TSPAN3: variants seen among roughly 807,000 people sequenced by gnomAD.
TSPAN3 encodes tetraspanin-3.
A neutral mutation model predicts 31.1 loss-of-function variants in TSPAN3; 9 were observed. That is an observed-to-expected ratio of 0.29 (90% CI 0.17 to 0.50). The LOEUF (loss-of-function observed/expected upper bound fraction) is 0.50. Among genes scored for constraint, TSPAN3 ranks in the 20% least tolerant of loss-of-function variants. The probability of loss-of-function intolerance (pLI) is 0.98; values close to 1 mark genes in which losing one functional copy is unlikely to be tolerated. For missense variants in TSPAN3, 252 were observed against 313.5 expected, an observed-to-expected ratio of 0.80 and a Z score of 1.48; for synonymous variants, 129 against 114.3, an observed-to-expected ratio of 1.13 and a Z score of -0.82.
intron 1 of TSPAN3, chr15:77,067,642 G>A (rs548453522): frequency 1.3e-5 from 2 of 152,328 alleles, no homozygotes; most frequent in South Asian, 2.1e-4. Flanking sequence ...GGCATTAAAA[G>A]GAGGGAGGGG....
Position 77,053,490 on chromosome 15 carries a change from AAAAAG to A in TSPAN3, c.433-566_433-562del, listed in dbSNP as rs1568540704. Among the ~76,000 whole-genome samples, 172 of 131,234 alleles carry A rather than the reference AAAAAG, an allele frequency of 1.3e-3. 1 individual carries two copies. The highest frequency in any genetic ancestry group is 4.8e-3 in the East Asian group (22 of 4,588). The allele number at this position is 131,234 out of a possible 152,430, so 86.1% of individuals were successfully genotyped here. ...AAAAAAAAAAAAAAAAAAAAAAAAA[AAAAAG>A]AAAAGAAAAGTACATTGCCTATAAG... On this transcript the variant is annotated intron_variant, in intron 4 of 6. Transcript: ENST00000267970.
intron 1 of TSPAN3, among the ~76,000 whole-genome samples, chr15:77,059,228 G>A (rs1414970806): frequency 5.3e-5 from 8 of 151,476 alleles, no homozygotes; most frequent in Non-Finnish European, 1.2e-4. Context: ...GATTACAGGC[G>A]CCCGCCACTA....
chr15:77,071,047 G>T lies in TSPAN3; in HGVS notation c.-93C>A. On this transcript the variant is annotated 5_prime_UTR_variant, in exon 1 of 7. Transcript: ENST00000267970. ...CGGCGGCGCCTCCTCGCTAGGAACT[G>T]CACGGCCTGCGCGGCGCTCCCCGCA... The T allele has an allele frequency of 1.1e-6, 1 of 893,084 alleles. No individual in the cohort carries two copies. Among genetic ancestry groups the T allele is most frequent in the Non-Finnish European group, 1.5e-6 (1 of 669,480 alleles). The allele number at this position is 893,084 out of a possible 1,614,324, so 55.3% of individuals were successfully genotyped here.
Position 77,042,948 on chromosome 15 carries a change from G to A in TSPAN3, c.*3887C>T, listed in dbSNP as rs2076668132. ...AATTTCCCTGACCTTGCCCTTCCTT[G>A]TCACACTGAAGAGGGGGCTCTGAAA... On this transcript the variant is annotated 3_prime_UTR_variant, in exon 7 of 7. Coordinates refer to ENST00000267970, the MANE Select transcript of TSPAN3 (RefSeq NM_005724.6). 1 of 152,194 alleles carries A rather than the reference G, an allele frequency of 6.6e-6. No individual in the cohort carries two copies. The highest frequency in any genetic ancestry group is 1.5e-5 in the Non-Finnish European group (1 of 68,080). The allele number at this position is 152,194 out of a possible 1,614,324, so 9.4% of individuals were successfully genotyped here. A position where few individuals can be genotyped will look rare whatever the true frequency, so the allele number is the denominator to read the frequency against.
intron 1 of TSPAN3, among the ~76,000 whole-genome samples, chr15:77,057,007 C>A (rs1305521156): frequency 6.6e-6 from 1 of 152,168 alleles, no homozygotes; most frequent in African/African-American, 2.4e-5. Flanking sequence ...TCTTGGAGCG[C>A]ACTCTGAGTA....
chr15:77,070,630 C>G (rs972836951), intron 1 of TSPAN3, among the ~76,000 whole-genome samples: 2 of 152,006 alleles, frequency 1.3e-5, no homozygotes, highest in Admixed American at 6.5e-5. Flanking sequence ...CCGCGTGGGC[C>G]GAGCGCGGAG....
At chr15:77,069,219 G>C (rs1295875099) in intron 1 of TSPAN3, among the ~76,000 whole-genome samples, 1 of 152,142 alleles carries the variant, frequency 6.6e-6, no homozygotes, top group Non-Finnish European at 1.5e-5. Context: ...GAGAATTAAT[G>C]ACTTAATCAT....
At chr15:77,048,720 T>A (rs933807460) in intron 6 of TSPAN3, among the ~76,000 whole-genome samples, 5 of 152,170 alleles carry the variant, frequency 3.3e-5, no homozygotes, top group African/African-American at 1.2e-4. Context: ...TTTCTTGCAA[T>A]GAAATACTCT....
At chr15:77,068,824 T>C (rs530101994) in intron 1 of TSPAN3, among the ~76,000 whole-genome samples, 27 of 152,308 alleles carry the variant, frequency 1.8e-4, no homozygotes, top group Admixed American at 1.8e-3. Flanking sequence ...TCTCATTCTT[T>C]TTTGTGGCTG....
At position 77,046,399 on chromosome 15, in the gene TSPAN3, TGGTG is replaced by T; in HGVS notation, c.*432_*435del. The T allele has an allele frequency of 5.0e-6, 2 of 403,936 alleles. No homozygotes were observed. The highest frequency in any genetic ancestry group is 7.1e-5 in the East Asian group (2 of 28,258). The allele number at this position is 403,936 out of a possible 1,614,324, so 25.0% of individuals were successfully genotyped here. Reference sequence around the variant, plus strand: ...AAGGACACCAATGAGGGGCACCATCTGGTGTTAACCTTAACCAGAAAGCTGGTTT... The same window carrying T: ...AAGGACACCAATGAGGGGCACCATCTTTAACCTTAACCAGAAAGCTGGTTT... On this transcript the variant is annotated 3_prime_UTR_variant, in exon 7 of 7. Coordinates refer to ENST00000267970, the MANE Select transcript of TSPAN3 (RefSeq NM_005724.6).
intron 1 of TSPAN3, chr15:77,067,542 A>G (rs536580494): frequency 2.4e-4 from 37 of 152,336 alleles, no homozygotes; most frequent in African/African-American, 8.4e-4. Flanking sequence ...CATAGTTTTT[A>G]TTGCCTACAG....
chr15:77,055,373 T>A, intron 3 of TSPAN3: 1 of 156,420 alleles, frequency 6.4e-6, no homozygotes, highest in Non-Finnish European at 1.4e-5. Context: ...GAAGGTGGGA[T>A]CACAACTCAC....
At chr15:77,056,335 A>T (rs2076768810) in intron 1 of TSPAN3, 80 bp from the exon 2 acceptor site, 2 of 1,132,122 alleles carry the variant, frequency 1.8e-6, no homozygotes, top group Non-Finnish European at 2.5e-6. Flanking sequence ...GGTATAATTT[A>T]ATGAGAGTTA....
Position 77,046,004 on chromosome 15 carries a change from C to A in TSPAN3, c.*831G>T, listed in dbSNP as rs2076688662. ...ACTGCTGCTCTGGAACTGAAATATCCCCCAAATAATGAAAAATAATATGTT... is the reference window on the plus strand; with the variant it reads ...ACTGCTGCTCTGGAACTGAAATATCACCCAAATAATGAAAAATAATATGTT... On this transcript the variant is annotated 3_prime_UTR_variant, in exon 7 of 7. Transcript: ENST00000267970. 1 of 157,858 alleles carries A rather than the reference C, an allele frequency of 6.3e-6. No individual in the cohort carries two copies. The highest frequency in any genetic ancestry group is 2.1e-4 in the South Asian group (1 of 4,864). 9.8% of individuals were successfully genotyped at this position (157,858 alleles called of 1,614,324 possible).
At chr15:77,052,688 G>T in intron 5 of TSPAN3, 89 bp downstream of exon 5, 8 of 1,427,712 alleles carry the variant, frequency 5.6e-6, no homozygotes, top group Middle Eastern at 1.8e-4. Flanking sequence ...AGACAAGCAA[G>T]GTGGCAGAAA....
rs2076864455 is a variant in TSPAN3 at position 77,070,833 on chromosome 15, T to TCCGCCGCGGCCTCGCCCGGCC, written c.63+38_63+58dup. The TCCGCCGCGGCCTCGCCCGGCC allele has an allele frequency of 6.5e-6, 7 of 1,075,236 alleles. No individual in the cohort carries two copies. In the Admixed American group the frequency reaches 2.7e-4, roughly 42 times the overall value. 66.6% of individuals were successfully genotyped at this position (1,075,236 alleles called of 1,614,324 possible). ...CCCAAGCCCGGCCCCCACGGGCGCC[T>TCCGCCGCGGCCTCGCCCGGCC]CCGCCGCGGCCTCGCCCGGCCCCGC... On this transcript the variant is annotated intron_variant, in intron 1 of 6. Transcript: ENST00000267970.
rs573938152 is a variant in TSPAN3 at position 77,064,870 on chromosome 15, G to A, written c.63+6022C>T. 4 of 152,346 alleles carry A rather than the reference G, an allele frequency of 2.6e-5. No individual in the cohort carries two copies. In the East Asian group the frequency reaches 7.7e-4, roughly 29 times the overall value. 9.4% of individuals were successfully genotyped at this position (152,346 alleles called of 1,614,324 possible). A position where few individuals can be genotyped will look rare whatever the true frequency, so the allele number is the denominator to read the frequency against. On this transcript the variant is annotated intron_variant, in intron 1 of 6. Transcript: ENST00000267970. ...AACAAATTCCAGGATATCAGATGCAGGTTCCGGTTTAAAAGTATCATATTA... is the reference window on the plus strand; with the variant it reads ...AACAAATTCCAGGATATCAGATGCAAGTTCCGGTTTAAAAGTATCATATTA...
chr15:77,069,154 G>A (rs747643692), intron 1 of TSPAN3, among the ~76,000 whole-genome samples: 2 of 152,162 alleles, frequency 1.3e-5, no homozygotes, highest in Non-Finnish European at 2.9e-5. Context: ...GTAGCTAACC[G>A]TTTTGTGCTC....
rs865792842 is a variant in TSPAN3, at chr15:77,071,086, C to T, written c.-132G>A. On this transcript the variant is annotated 5_prime_UTR_variant, in exon 1 of 7. Coordinates refer to ENST00000267970, the MANE Select transcript of TSPAN3 (RefSeq NM_005724.6). Reference sequence around the variant, plus strand: ...GCGCTCCCCGCAGCCCCTGCGCCGTCGCGCAGCCCCGACCCCAGCAAGTGC... The same window carrying T: ...GCGCTCCCCGCAGCCCCTGCGCCGTTGCGCAGCCCCGACCCCAGCAAGTGC... The T allele has an allele frequency of 7.8e-6, 4 of 511,396 alleles. No homozygotes were observed. Among genetic ancestry groups the T allele is most frequent in the African/African-American group, 6.2e-5 (3 of 48,568 alleles). 31.7% of individuals were successfully genotyped at this position (511,396 alleles called of 1,614,324 possible). A position where few individuals can be genotyped will look rare whatever the true frequency, so the allele number is the denominator to read the frequency against.
Sources: gnomAD v4.1 joint callset for allele counts (sites outside exome capture counted in the v4.1 genomes callset) on GRCh38, gnomAD v4.1.1 for gene constraint, MANE v1.5 for transcripts, NCBI Gene and HGNC (gene_info 2026-07-23, HGNC 2026-07-21) for gene names.